MATN2: variants seen among roughly 807,000 people sequenced by gnomAD.
MATN2 encodes matrilin 2, also known as matrilin-2.
Under a neutral mutation model 103.2 loss-of-function variants are expected in MATN2, and 69 were observed. That is an observed-to-expected ratio of 0.67 (90% CI 0.55 to 0.82). The LOEUF is 0.82. Among genes scored for constraint, MATN2 ranks in the 40% least tolerant of loss-of-function variants. The pLI is 0.00. For missense variants in MATN2, 1,023 were observed against 1,211.5 expected, an observed-to-expected ratio of 0.84 and a Z score of 2.31; for synonymous variants, 429 against 450.2, an observed-to-expected ratio of 0.95 and a Z score of 0.60.
At chr8:98,024,808 A>G (rs1055391852) in intron 13 of MATN2, 8 of 152,322 alleles carry the variant, frequency 5.3e-5, no homozygotes, top group African/African-American at 1.9e-4. Context: ...ACTACCAAAA[A>G]GAAAATGCCC....
chr8:97,908,268 A>G (rs1387708967), intron 2 of MATN2, among the ~76,000 whole-genome samples: 2 of 152,156 alleles, frequency 1.3e-5, no homozygotes, highest in African/African-American at 4.8e-5. Flanking sequence ...AAAAAAAAAA[A>G]AGTCACTTTG....
At chr8:97,965,710 G>T (rs1375004999) in intron 5 of MATN2, among the ~76,000 whole-genome samples, 1 of 152,166 alleles carries the variant, frequency 6.6e-6, no homozygotes, top group South Asian at 2.1e-4. Flanking sequence ...GCTGGATGTG[G>T]TGGCTCATGC....
At chr8:97,880,243 C>G (rs1818209800) in intron 1 of MATN2, among the ~76,000 whole-genome samples, 1 of 151,992 alleles carries the variant, frequency 6.6e-6, no homozygotes, top group South Asian at 2.1e-4. Flanking sequence ...ACCACCATGC[C>G]TGGCTAATTT....
intron 1 of MATN2, among the ~76,000 whole-genome samples, chr8:97,886,931 G>A (rs538472693): frequency 4.6e-5 from 7 of 150,634 alleles, no homozygotes; most frequent in East Asian, 3.9e-4. Flanking sequence ...ATAGGGTCTC[G>A]TGCTGTCACC....
intron 2 of MATN2, among the ~76,000 whole-genome samples, chr8:97,895,168 T>C (rs1563651509): frequency 6.6e-6 from 1 of 152,200 alleles, no homozygotes; most frequent in Non-Finnish European, 1.5e-5. Flanking sequence ...CCACCGTGTC[T>C]GGCTCCAACC....
chr8:97,935,249 G>T (rs1810337892), intron 3 of MATN2, among the ~76,000 whole-genome samples: 1 of 152,146 alleles, frequency 6.6e-6, no homozygotes, highest in Admixed American at 6.5e-5. Context: ...ACTGGAAATT[G>T]TCAGGGTCTG....
chr8:97,992,928 CAAT>C (rs58706549), intron 6 of MATN2, among the ~76,000 whole-genome samples: 8,426 of 144,454 alleles, frequency 0.058, 696 homozygotes, highest in African/African-American at 0.19. Flanking sequence ...TCAAAACAAA[CAAT>C]AATAATAATA....
At chr8:97,959,707 G>A (rs781238509) in intron 4 of MATN2, among the ~76,000 whole-genome samples, 3 of 152,126 alleles carry the variant, frequency 2.0e-5, no homozygotes, top group Non-Finnish European at 1.5e-5. Context: ...AGACCTAAGC[G>A]TTTTTAAAAT....
Position 97,937,583 on chromosome 8 carries a change from CTTTTTTTTTTTT to C in MATN2, c.713-4182_713-4171del, listed in dbSNP as rs376203275. ...TCTTTTAATTCCCCCTCCCCACTAA[CTTTTTTTTTTTT>C]TTTTTTTTTTTGAGATGGAGTCACT... On this transcript the variant is annotated intron_variant, in intron 3 of 18. Transcript: ENST00000254898. 7.8e-5 allele frequency among the ~76,000 whole-genome samples: 7 copies of C among 89,814 alleles called. No individual in the cohort carries two copies. In the South Asian group the frequency reaches 3.0e-3, roughly 38 times the overall value. 58.9% of individuals were successfully genotyped at this position (89,814 alleles called of 152,430 possible). A position where few individuals can be genotyped will look rare whatever the true frequency, so the allele number is the denominator to read the frequency against.
chr8:97,881,936 T>TC (rs1256459932), intron 1 of MATN2, among the ~76,000 whole-genome samples: 16 of 147,736 alleles, frequency 1.1e-4, no homozygotes, highest in Non-Finnish European at 2.4e-4. Flanking sequence ...TTTTTTTTTT[T>TC]GAGACAGAGT....
intron 2 of MATN2, among the ~76,000 whole-genome samples, chr8:97,910,836 G>A (rs996532248): frequency 6.6e-6 from 1 of 152,116 alleles, no homozygotes; most frequent in Non-Finnish European, 1.5e-5. Flanking sequence ...GGGACAGTGG[G>A]TTGCTATGAG....
intron 6 of MATN2, among the ~76,000 whole-genome samples, chr8:97,988,149 C>A (rs1812258148): frequency 2.0e-5 from 1 of 51,234 alleles, no homozygotes; most frequent in African/African-American, 8.0e-5. Flanking sequence ...AGCCCATCTC[C>A]ACCAAAAAAA....
At chr8:97,970,803 C>G (rs1197196276) in intron 5 of MATN2, among the ~76,000 whole-genome samples, 1 of 151,992 alleles carries the variant, frequency 6.6e-6, no homozygotes, top group Non-Finnish European at 1.5e-5. Flanking sequence ...AAAAAAAAAT[C>G]AGCTGGGTGT....
At chr8:97,945,308 T>C (rs1810709784) in intron 4 of MATN2, among the ~76,000 whole-genome samples, 1 of 152,186 alleles carries the variant, frequency 6.6e-6, no homozygotes, top group African/African-American at 2.4e-5. Context: ...AAGTGGGTTT[T>C]ATCACTCTCA....
chr8:98,021,370 G>A lies in MATN2; in HGVS notation c.1942+43G>A, dbSNP rs115394137. On this transcript the variant is annotated intron_variant, in intron 13 of 18. Coordinates refer to ENST00000254898, the MANE Select transcript of MATN2 (RefSeq NM_002380.5). ...GGCTCTCTGCTTTAATTTTGTTTTGGAGCAACTGCTTTTTGGAGTATTTTC... is the reference window on the plus strand; with the variant it reads ...GGCTCTCTGCTTTAATTTTGTTTTGAAGCAACTGCTTTTTGGAGTATTTTC... 2,623 of 1,598,724 alleles carry A rather than the reference G, an allele frequency of 1.6e-3. 46 individuals are homozygous for A. The African/African-American group carries it at 0.031, about 19-fold the overall frequency.
At chr8:97,919,383 C>T (rs924340896) in intron 2 of MATN2, among the ~76,000 whole-genome samples, 8 of 152,160 alleles carry the variant, frequency 5.3e-5, no homozygotes, top group Non-Finnish European at 1.0e-4. Flanking sequence ...CAGGTGCCCG[C>T]CACCAAGCCT....
chr8:97,941,447 G>A (rs1810563582), intron 3 of MATN2, among the ~76,000 whole-genome samples: 2 of 152,100 alleles, frequency 1.3e-5, no homozygotes, highest in Admixed American at 1.3e-4. Flanking sequence ...TCTGATGCTG[G>A]CAAACTTTTC....
chr8:98,001,339 C>T (rs1204938715), intron 7 of MATN2, among the ~76,000 whole-genome samples: 3 of 152,184 alleles, frequency 2.0e-5, no homozygotes, highest in Non-Finnish European at 4.4e-5. Flanking sequence ...ACATTTTCAT[C>T]CTTGTCACCT....
intron 3 of MATN2, among the ~76,000 whole-genome samples, chr8:97,938,883 T>C (rs1226634199): frequency 6.6e-6 from 1 of 152,104 alleles, no homozygotes; most frequent in Non-Finnish European, 1.5e-5. Flanking sequence ...TTATTTTTTG[T>C]TTGTTTGTTT....
Sources: gnomAD v4.1 joint callset for allele counts (sites outside exome capture counted in the v4.1 genomes callset) on GRCh38, gnomAD v4.1.1 for gene constraint, MANE v1.5 for transcripts, NCBI Gene and HGNC (gene_info 2026-07-23, HGNC 2026-07-21) for gene names.